The following PREX2 variants were observed in gnomAD, a reference collection of about 807,000 sequenced individuals.
PREX2 encodes the protein phosphatidylinositol 3,4,5-trisphosphate-dependent Rac exchanger 2 protein.
Under a neutral mutation model 203.2 loss-of-function variants are expected in PREX2, and 107 were observed. The observed-to-expected ratio is 0.53, with a 90% CI of 0.45 to 0.62. The LOEUF is 0.62. Ranked by LOEUF, PREX2 falls within the 20% of genes least tolerant of loss-of-function variation. The pLI, the probability that PREX2 is intolerant of heterozygous loss-of-function variation, is 0.00. For missense variants in PREX2, 1,777 were observed against 1,955.9 expected, an observed-to-expected ratio of 0.91 and a Z score of 1.72; for synonymous variants, 672 against 663.6, an observed-to-expected ratio of 1.01 and a Z score of -0.19.
chr8:68,031,949 A>G (rs16934018), intron 6 of PREX2, among the ~76,000 whole-genome samples: 33,896 of 152,078 alleles, frequency 0.22, 5,750 homozygotes, highest in African/African-American at 0.48. Flanking sequence ...GATTTTTTTC[A>G]GCACTCTAGG....
intron 1 of PREX2, among the ~76,000 whole-genome samples, chr8:68,005,714 T>G (rs1042246341): frequency 1.4e-4 from 22 of 152,222 alleles, no homozygotes; most frequent in Non-Finnish European, 4.4e-5. Flanking sequence ...TTCATTTGTT[T>G]TATTTTTCTT....
chr8:68,220,898 G>A (rs1328439231), intron 38 of PREX2, among the ~76,000 whole-genome samples: 2 of 152,184 alleles, frequency 1.3e-5, no homozygotes, highest in African/African-American at 2.4e-5. Flanking sequence ...AGGGGTACGT[G>A]TGCAGGTTTG....
intron 37 of PREX2, among the ~76,000 whole-genome samples, chr8:68,203,279 A>T (rs1271518195): frequency 6.6e-6 from 1 of 152,064 alleles, no homozygotes; most frequent in African/African-American, 2.4e-5. Context: ...GATGATTCTG[A>T]CTCACCAGCT....
At chr8:68,029,517 G>T (rs1807819495) in intron 5 of PREX2, among the ~76,000 whole-genome samples, 1 of 152,128 alleles carries the variant, frequency 6.6e-6, no homozygotes, top group Non-Finnish European at 1.5e-5. Context: ...TGAATTTAGG[G>T]TCCGAGTTTA....
At chr8:68,073,419 A>G (rs1809255384) in intron 14 of PREX2, among the ~76,000 whole-genome samples, 2 of 151,980 alleles carry the variant, frequency 1.3e-5, no homozygotes, top group Admixed American at 1.3e-4. Flanking sequence ...CTTTGTTTCA[A>G]GTAGATAATA....
chr8:68,229,881 G>A (rs1401256436), intron 39 of PREX2, among the ~76,000 whole-genome samples: 2 of 152,136 alleles, frequency 1.3e-5, no homozygotes, highest in Admixed American at 6.5e-5. Flanking sequence ...CCCAGCCCTG[G>A]GAATGCAATT....
At chr8:68,157,938 C>T (rs1317285200) in intron 35 of PREX2, among the ~76,000 whole-genome samples, 1 of 151,290 alleles carries the variant, frequency 6.6e-6, no homozygotes, top group Admixed American at 6.6e-5. Context: ...CTTTTTCCCC[C>T]CAAAAAATAG....
chr8:68,081,841 C>T (rs184168983), intron 17 of PREX2, among the ~76,000 whole-genome samples: 16 of 151,146 alleles, frequency 1.1e-4, no homozygotes, highest in African/African-American at 3.2e-4. Flanking sequence ...ATTACAGGCC[C>T]ATGCCACCAG....
intron 1 of PREX2, among the ~76,000 whole-genome samples, chr8:68,007,697 C>T (rs1807135890): frequency 6.6e-6 from 1 of 152,168 alleles, no homozygotes; most frequent in Non-Finnish European, 1.5e-5. Flanking sequence ...GCAAGCTCCG[C>T]CTCCTAGGTT....
intron 38 of PREX2, among the ~76,000 whole-genome samples, chr8:68,219,677 G>A (rs1812916207): frequency 6.6e-6 from 1 of 152,172 alleles, no homozygotes; most frequent in African/African-American, 2.4e-5. Flanking sequence ...TAGAGCCTGG[G>A]ACCCTCTTTA....
In PREX2 at chr8:68,217,822, C is replaced by T. The variant is rs1812873759; in HGVS notation, c.4707+104C>T. ...TTGACAGGTGCCTGGATGTGATGGA[C>T]AGTTTACTAGGCTCAGAGGTAACTC... On this transcript the variant is annotated intron_variant, in intron 38 of 39. Transcript: ENST00000288368. 20 of 816,000 alleles carry T rather than the reference C, an allele frequency of 2.5e-5. No homozygotes were observed. In the South Asian group the frequency reaches 3.0e-4, roughly 12 times the overall value. 50.5% of individuals were successfully genotyped at this position (816,000 alleles called of 1,614,324 possible).
chr8:68,086,826 A>G (rs1426548223), intron 18 of PREX2, among the ~76,000 whole-genome samples: 1 of 151,998 alleles, frequency 6.6e-6, no homozygotes, highest in Non-Finnish European at 1.5e-5. Context: ...TATTCTTTTA[A>G]ACCTTCATTG....
intron 31 of PREX2, among the ~76,000 whole-genome samples, chr8:68,133,753 T>C (rs1385995492): frequency 6.6e-6 from 1 of 152,230 alleles, no homozygotes; most frequent in Non-Finnish European, 1.5e-5. Flanking sequence ...ATAGAAAATA[T>C]AAATAAATGA....
intron 34 of PREX2, among the ~76,000 whole-genome samples, chr8:68,155,491 T>C (rs1228416249): frequency 9.9e-5 from 15 of 152,208 alleles, no homozygotes. Flanking sequence ...AATAAAACTA[T>C]AGCACAGCTA....
In PREX2 at chr8:68,188,067, A is replaced by G. The variant is rs75816386; in HGVS notation, c.4347-3655A>G. ...AATCTGCTGATCACTGTTGCTTGAG[A>G]CTAGCTTTTGTGATGCTTGGTGTTT... On this transcript the variant is annotated intron_variant, in intron 35 of 39. Coordinates refer to ENST00000288368, the MANE Select transcript of PREX2 (RefSeq NM_024870.4). Among the ~76,000 whole-genome samples the G allele has an allele frequency of 3.5e-3, 534 of 152,338 alleles. 9 individuals are homozygous for G. The highest frequency in any genetic ancestry group is 5.0e-3 in the South Asian group (24 of 4,828).
intron 13 of PREX2, 30 bp from the exon 14 acceptor site, chr8:68,072,461 TTTTG>T (rs746502718): frequency 1.0e-5 from 13 of 1,300,090 alleles, no homozygotes; most frequent in South Asian, 3.8e-5. Flanking sequence ...AATTTTTGTT[TTTTG>T]TTTGTTTGTT....
Position 68,120,292 on chromosome 8 carries a change from C to T in PREX2, c.3595+6C>T, listed in dbSNP as rs759692744. 1 of 1,609,470 alleles carries T rather than the reference C, an allele frequency of 6.2e-7. No individual in the cohort carries two copies. Among genetic ancestry groups the T allele is most frequent in the Non-Finnish European group, 8.5e-7 (1 of 1,176,036 alleles). ...TCCAGGCCGAGGATTGCAAGGTAAGCCTTGAAAAATTAACTAGTAGAAGCA... is the reference window on the plus strand; with the variant it reads ...TCCAGGCCGAGGATTGCAAGGTAAGTCTTGAAAAATTAACTAGTAGAAGCA... On this transcript the variant is annotated splice_donor_region_variant and intron_variant, in intron 29 of 39. Coordinates refer to ENST00000288368, the MANE Select transcript of PREX2 (RefSeq NM_024870.4).
chr8:68,089,383 T>A (rs191345390), intron 19 of PREX2, among the ~76,000 whole-genome samples: 37 of 152,302 alleles, frequency 2.4e-4, no homozygotes, highest in African/African-American at 8.7e-4. Flanking sequence ...ACAGACAAAT[T>A]CAGCCTTTCA....
intron 1 of PREX2, among the ~76,000 whole-genome samples, chr8:68,005,596 A>T (rs994332180): frequency 6.6e-6 from 1 of 152,002 alleles, no homozygotes; most frequent in African/African-American, 2.4e-5. Context: ...TTTCACTCCA[A>T]TTGTTGGTGC....
Sources: allele counts gnomAD v4.1 joint callset (sites outside exome capture counted in the v4.1 genomes callset), GRCh38; gene constraint gnomAD v4.1.1; transcripts MANE v1.5; gene names NCBI Gene and HGNC (gene_info 2026-07-23, HGNC 2026-07-21).